Variants in SLC5A12 observed in about 807,000 individuals in gnomAD.
SLC5A12 encodes the protein solute carrier family 5 member 12.
In SLC5A12, 46 loss-of-function variants were observed where a neutral mutation model predicts 72.7. That is an observed-to-expected ratio of 0.63 (90% CI 0.50 to 0.81). The LOEUF is 0.81. Ranked by LOEUF, SLC5A12 falls within the 30% of genes least tolerant of loss-of-function variation. SLC5A12 has a pLI of 0.00. For missense variants in SLC5A12, 683 were observed against 740.7 expected, an observed-to-expected ratio of 0.92 and a Z score of 0.90; for synonymous variants, 275 against 264.4, an observed-to-expected ratio of 1.04 and a Z score of -0.39.
intron 4 of SLC5A12, among the ~76,000 whole-genome samples, chr11:26,706,769 G>C (rs1004390528): frequency 2.0e-5 from 3 of 150,816 alleles, no homozygotes; most frequent in Non-Finnish European, 4.4e-5. Flanking sequence ...CAGTTTGGGG[G>C]TAATTCTTTT....
intron 6 of SLC5A12, among the ~76,000 whole-genome samples, chr11:26,699,920 G>A (rs1201460440): frequency 3.9e-5 from 6 of 152,122 alleles, no homozygotes; most frequent in African/African-American, 9.7e-5. Flanking sequence ...AAGAAATAAT[G>A]AAATGATTGA....
At chr11:26,671,331 C>G in intron 14 of SLC5A12, 80 bp from the exon 15 acceptor site, 1 of 1,276,330 alleles carries the variant, frequency 7.8e-7, no homozygotes. Flanking sequence ...TTGTTTAGGC[C>G]TTGGCTTCAA....
intron 1 of SLC5A12, among the ~76,000 whole-genome samples, chr11:26,718,725 G>A (rs374731750): frequency 6.6e-6 from 1 of 151,946 alleles, no homozygotes; most frequent in East Asian, 1.9e-4. Context: ...CTGACCTCAG[G>A]TGATCCACCC....
upstream of SLC5A12, among the ~76,000 whole-genome samples, chr11:26,722,505 G>T (rs1855501694): frequency 6.6e-6 from 1 of 152,080 alleles, no homozygotes; most frequent in Admixed American, 6.6e-5. Flanking sequence ...GTACCCCATT[G>T]GCTATTATCT....
intron 1 of SLC5A12, among the ~76,000 whole-genome samples, chr11:26,719,287 G>A (rs1855424532): frequency 6.6e-6 from 1 of 152,148 alleles, no homozygotes; most frequent in African/African-American, 2.4e-5. Context: ...ACTAATATGT[G>A]CAGTAGTTTT....
chr11:26,707,943 C>T (rs1023954301), intron 4 of SLC5A12, among the ~76,000 whole-genome samples: 9 of 151,776 alleles, frequency 5.9e-5, no homozygotes, highest in Non-Finnish European at 2.9e-5. Flanking sequence ...CATGCCAGCT[C>T]CCCCCAAGGA....
intron 4 of SLC5A12, among the ~76,000 whole-genome samples, chr11:26,704,716 T>C (rs1385855560): frequency 6.6e-6 from 1 of 152,072 alleles, no homozygotes; most frequent in African/African-American, 2.4e-5. Flanking sequence ...ATGGACTGTT[T>C]TGGAGGTAAA....
At chr11:26,716,177 T>C (rs1855345537) in intron 1 of SLC5A12, 1 of 152,152 alleles carries the variant, frequency 6.6e-6, no homozygotes, top group South Asian at 2.1e-4. Flanking sequence ...ATAGGGATCT[T>C]GAAAAAAATC....
At chr11:26,692,417 C>T (rs1290411562) in intron 9 of SLC5A12, 72 bp downstream of exon 9, 1 of 993,964 alleles carries the variant, frequency 1.0e-6, no homozygotes, top group Non-Finnish European at 1.6e-6. Context: ...CTGAATAGCA[C>T]ATGCAGGATT....
At chr11:26,699,267 C>T (rs886126929) in intron 6 of SLC5A12, among the ~76,000 whole-genome samples, 47 of 152,292 alleles carry the variant, frequency 3.1e-4, no homozygotes, top group African/African-American at 9.6e-4. Context: ...AGAGAATAAA[C>T]AACCTCACTG....
upstream of SLC5A12, among the ~76,000 whole-genome samples, chr11:26,722,244 G>A (rs1855497752): frequency 1.3e-5 from 2 of 152,148 alleles, no homozygotes; most frequent in Non-Finnish European, 2.9e-5. Flanking sequence ...GGAGAGTGAA[G>A]GCTGTGTGCC....
intron 1 of SLC5A12, among the ~76,000 whole-genome samples, chr11:26,720,478 A>C (rs74762835): frequency 0.042 from 6,360 of 152,040 alleles, 343 homozygotes; most frequent in African/African-American, 0.12. Context: ...AATCAATAAC[A>C]CTTTTTAAGA....
chr11:26,686,989 C>T lies in SLC5A12; in HGVS notation c.1154-445G>A, dbSNP rs558566239. 2.0e-5 allele frequency among the ~76,000 whole-genome samples: 3 copies of T among 152,308 alleles called. No homozygotes were observed. In the East Asian group the frequency reaches 5.8e-4, roughly 29 times the overall value. On this transcript the variant is annotated intron_variant, in intron 9 of 14. Transcript: ENST00000396005. ...TAACAATGGTTAAATAATGTCTACA[C>T]ATTCTACCTAACAGGTTTCGCAAAT...
chr11:26,677,937 C>T (rs1025006255), intron 13 of SLC5A12, among the ~76,000 whole-genome samples: 8 of 152,068 alleles, frequency 5.3e-5, no homozygotes, highest in Non-Finnish European at 1.5e-5. Flanking sequence ...GAACTTATTC[C>T]ACCCCATTAT....
chr11:26,716,566 T>C (rs1855353850), intron 1 of SLC5A12, among the ~76,000 whole-genome samples: 1 of 152,164 alleles, frequency 6.6e-6, no homozygotes, highest in Non-Finnish European at 1.5e-5. Flanking sequence ...ACCAACATTA[T>C]GATGGATTAT....
chr11:26,717,894 C>G (rs1855388558), intron 1 of SLC5A12, among the ~76,000 whole-genome samples: 2 of 152,092 alleles, frequency 1.3e-5, no homozygotes, highest in African/African-American at 4.8e-5. Context: ...TCAGCTATGC[C>G]ACCTTCCTTA....
rs114350907 is a variant in SLC5A12 at position 26,676,131 on chromosome 11, T to C, written c.1579+2581A>G. Among the ~76,000 whole-genome samples the C allele has an allele frequency of 6.3e-3, 960 of 152,276 alleles. 7 individuals carry two copies. The highest frequency in any genetic ancestry group is 0.022 in the African/African-American group (915 of 41,560). ...ATTTTTGATCTGTCTCTCATCGTTATACAGAGCTGCACAATTCCTGACAAT... is the reference window on the plus strand; with the variant it reads ...ATTTTTGATCTGTCTCTCATCGTTACACAGAGCTGCACAATTCCTGACAAT... On this transcript the variant is annotated intron_variant, in intron 13 of 14. Coordinates refer to ENST00000396005, the MANE Select transcript of SLC5A12 (RefSeq NM_178498.4).
chr11:26,723,007 G>A (rs769438942), upstream of SLC5A12, among the ~76,000 whole-genome samples: 5 of 151,290 alleles, frequency 3.3e-5, no homozygotes, highest in African/African-American at 4.9e-5. Context: ...CTATGTAACC[G>A]GCTACAGGAG....
chr11:26,712,904 C>T (rs1425952717), intron 1 of SLC5A12, among the ~76,000 whole-genome samples, 198 bp from the exon 2 acceptor site: 1 of 152,014 alleles, frequency 6.6e-6, no homozygotes, highest in Non-Finnish European at 1.5e-5. Context: ...AATTTCTGTT[C>T]GTGTTTCTCA....
Sources: allele counts gnomAD v4.1 joint callset (sites outside exome capture counted in the v4.1 genomes callset), GRCh38; gene constraint gnomAD v4.1.1; transcripts MANE v1.5; gene names NCBI Gene and HGNC (gene_info 2026-07-23, HGNC 2026-07-21).